RNF216: variants seen among roughly 807,000 people sequenced by gnomAD.
RNF216 encodes the protein E3 ubiquitin-protein ligase RNF216.
In RNF216, 72 loss-of-function variants were observed where a neutral mutation model predicts 110.8. That is an observed-to-expected ratio of 0.65 (90% confidence interval 0.54 to 0.79). RNF216 has a LOEUF of 0.79. Ranked by LOEUF, RNF216 falls within the 30% of genes least tolerant of loss-of-function variation. The pLI is 0.00. For synonymous variants in RNF216, 495 were observed against 407.5 expected (o/e 1.21, Z -2.59); for missense variants, 1,342 against 1,141.2 (o/e 1.18, Z -2.54).
At chr7:5,758,469 C>T (rs535006586) in intron 2 of RNF216, among the ~76,000 whole-genome samples, 99 of 152,328 alleles carry the variant, frequency 6.5e-4, no homozygotes, top group Middle Eastern at 3.4e-3. Context: ...ACACTGATTT[C>T]AACAGTGTGG....
chr7:5,644,707 G>A (rs1444104705), intron 14 of RNF216, among the ~76,000 whole-genome samples: 2 of 151,994 alleles, frequency 1.3e-5, no homozygotes, highest in Admixed American at 1.3e-4. Context: ...GTTTCACCAT[G>A]TTGTCCAGGC....
intron 1 of RNF216, among the ~76,000 whole-genome samples, chr7:5,769,401 C>A (rs1796375646): frequency 6.6e-6 from 1 of 151,362 alleles, no homozygotes; most frequent in African/African-American, 2.4e-5. Context: ...CAGGCGTGAG[C>A]CACCGCGCCT....
chr7:5,713,608 T>C (rs573707572), intron 11 of RNF216, among the ~76,000 whole-genome samples: 2 of 152,336 alleles, frequency 1.3e-5, no homozygotes, highest in East Asian at 1.9e-4. Flanking sequence ...CTGGCTCCTA[T>C]GCACCTAGAG....
At position 5,680,414 on chromosome 7, in the gene RNF216, TG is replaced by T. The variant is rs1156964945; in HGVS notation, c.2062-27905del. On this transcript the variant is annotated intron_variant, in intron 13 of 16. Coordinates refer to ENST00000389902, the MANE Select transcript of RNF216 (RefSeq NM_207111.4). This position sits in a 1 kb window ranked among gnomAD's most constrained non-coding sequence, Gnocchi z 4.3. ...GGTTACTCAACACTTCTTTTTTTGT[TG>T]TTGTTGAGACGGAGTCTTGCCCTGT... The T allele has an allele frequency of 6.6e-6, 1 of 152,220 alleles. No homozygotes were observed. The highest frequency in any genetic ancestry group is 1.5e-5 in the Non-Finnish European group (1 of 68,056). 9.4% of individuals were successfully genotyped at this position (152,220 alleles called of 1,614,324 possible). A position where few individuals can be genotyped will look rare whatever the true frequency, so the allele number is the denominator to read the frequency against.
At chr7:5,721,212 A>G (rs1793404022) in intron 8 of RNF216, 40 bp from the exon 9 acceptor site, 3 of 1,598,782 alleles carry the variant, frequency 1.9e-6, no homozygotes, top group South Asian at 1.1e-5. Flanking sequence ...GCAGACAACT[A>G]TGTGTTAGGA....
At chr7:5,773,740 G>C (rs988426010) in intron 1 of RNF216, among the ~76,000 whole-genome samples, 2 of 152,064 alleles carry the variant, frequency 1.3e-5, no homozygotes, top group South Asian at 2.1e-4. Context: ...GTTAATTTTT[G>C]TATTTTTAGT....
intron 2 of RNF216, among the ~76,000 whole-genome samples, chr7:5,756,114 G>A (rs1185150195): frequency 2.7e-5 from 2 of 74,886 alleles, no homozygotes; most frequent in South Asian, 8.0e-4. Flanking sequence ...TCTCGTGATA[G>A]TGAGTGAGTC....
At position 5,741,332 on chromosome 7, in the gene RNF216, A is replaced by C. The variant is rs1366817245; in HGVS notation, c.685T>G (p.Trp229Gly). The C allele has an allele frequency of 6.2e-7, 1 of 1,614,168 alleles. No individual in the cohort carries two copies. The stretch of plus-strand genomic sequence containing the variant: ...GACTGGAAGTAAGGATGATCTAACC[A>C]GCAGTCTTCTTCGATGGCCTGATCA... ...ADDQAIEEDC[W>G]LDHPYFQSLN... Residue 229 changes from tryptophan (W) to glycine (G), a missense_variant, in exon 4 of 17, where the codon TGG becomes GGG. By Grantham distance (184) the Trp-to-Gly change is radical. Transcript: ENST00000389902.
intron 15 of RNF216, among the ~76,000 whole-genome samples, chr7:5,636,029 T>C (rs1207833898): frequency 2.0e-5 from 3 of 152,240 alleles, no homozygotes; most frequent in African/African-American, 7.2e-5. Context: ...TTGTTTTGTA[T>C]TGAAAGAGAA....
intron 1 of RNF216, among the ~76,000 whole-genome samples, chr7:5,776,879 C>A (rs371114894): frequency 6.3e-5 from 7 of 111,112 alleles, no homozygotes; most frequent in African/African-American, 1.1e-4. Context: ...CCAGCCTGTG[C>A]GACAGAGGGA....
intron 1 of RNF216, among the ~76,000 whole-genome samples, chr7:5,765,278 C>G (rs770217523): frequency 2.1e-4 from 32 of 151,634 alleles, no homozygotes; most frequent in Non-Finnish European, 1.5e-4. Flanking sequence ...CTGGGCAACA[C>G]AGTGAGGACT....
rs1355827686 is a variant in RNF216, at chr7:5,715,010, G to A, written c.1833+43C>T. ...ATCAACATGGTCTCCTTAGACTCCA[G>A]GAATGTGTCCTATATACATGGGACA... is the stretch of plus-strand genomic sequence containing the variant. On this transcript the variant is annotated intron_variant, in intron 11 of 16. Coordinates refer to ENST00000389902, the MANE Select transcript of RNF216 (RefSeq NM_207111.4). 3 of 1,557,578 alleles carry A rather than the reference G, an allele frequency of 1.9e-6. No homozygotes were observed. The African/African-American group carries it at 4.1e-5, about 21-fold the overall frequency.
intron 13 of RNF216, among the ~76,000 whole-genome samples, chr7:5,709,341 G>T (rs998930452): frequency 6.6e-6 from 1 of 152,186 alleles, no homozygotes; most frequent in African/African-American, 2.4e-5. Context: ...GCTGTGCCAG[G>T]GGGAGGAACT....
intron 2 of RNF216, among the ~76,000 whole-genome samples, chr7:5,754,026 AAAG>A (rs1795474304): frequency 6.6e-6 from 1 of 151,926 alleles, no homozygotes; most frequent in Non-Finnish European, 1.5e-5. Flanking sequence ...AAGTGACCTA[AAAG>A]AAGAGAAGAA....
chr7:5,684,420 T>G (rs1034078526), intron 13 of RNF216, among the ~76,000 whole-genome samples: 1 of 152,202 alleles, frequency 6.6e-6, no homozygotes, highest in Non-Finnish European at 1.5e-5. Context: ...AAGCTGGGCC[T>G]TCTAAGCCGA....
chr7:5,701,475 T>C (rs908364962), intron 13 of RNF216, among the ~76,000 whole-genome samples: 1 of 152,164 alleles, frequency 6.6e-6, no homozygotes, highest in Non-Finnish European at 1.5e-5. Flanking sequence ...CAGCTATTAC[T>C]TCGTGACACA....
intron 1 of RNF216, among the ~76,000 whole-genome samples, chr7:5,761,973 C>G (rs1322482099): frequency 6.6e-6 from 1 of 152,084 alleles, no homozygotes. Flanking sequence ...AATTCCACTT[C>G]CAGGTATATC....
intron 5 of RNF216, among the ~76,000 whole-genome samples, chr7:5,736,768 T>C (rs2112007): frequency 0.98 from 148,749 of 152,020 alleles, 72,790 homozygotes; most frequent in Middle Eastern, 0.99. Flanking sequence ...TCTGCCAGGC[T>C]GCGACCCCAT....
chr7:5,698,835 C>T (rs1187210710), intron 13 of RNF216, among the ~76,000 whole-genome samples: 1 of 152,182 alleles, frequency 6.6e-6, no homozygotes, highest in Non-Finnish European at 1.5e-5. Context: ...AGCTCTTTAA[C>T]CTTCTCACAA....
Sources: gnomAD v4.1 joint callset for allele counts (sites outside exome capture counted in the v4.1 genomes callset) on GRCh38, gnomAD v4.1.1 for gene constraint, Gnocchi (gnomAD v3.1) non-coding constraint, MANE v1.5 for transcripts, NCBI Gene and HGNC (gene_info 2026-07-23, HGNC 2026-07-21) for gene names.